VSTM2B: variants seen among roughly 807,000 people sequenced by gnomAD.
The protein encoded by VSTM2B is V-set and transmembrane domain-containing protein 2B.
VSTM2B carries 24 observed loss-of-function variants against 24.0 expected under a neutral mutation model. That is an observed-to-expected ratio of 1.00 (90% CI 0.72 to 1.40). The LOEUF is 1.40. Ranked by LOEUF, VSTM2B falls within the 40% of genes most tolerant of loss-of-function variation. The pLI is 0.00. For synonymous variants in VSTM2B, 226 were observed against 194.4 expected, an observed-to-expected ratio of 1.16 and a Z score of -1.35; for missense variants, 399 against 416.4, an observed-to-expected ratio of 0.96 and a Z score of 0.36.
At chr19:29,545,808 G>A (rs1217988640) in intron 4 of VSTM2B, among the ~76,000 whole-genome samples, 2 of 152,192 alleles carry the variant, frequency 1.3e-5, no homozygotes, top group South Asian at 2.1e-4. Context: ...AGGTGCAGGT[G>A]TCTTTTTGGT....
intron 4 of VSTM2B, among the ~76,000 whole-genome samples, chr19:29,546,719 C>A (rs1300831870): frequency 6.6e-6 from 1 of 151,986 alleles, no homozygotes; most frequent in Non-Finnish European, 1.5e-5. Context: ...CCTGCGGCCC[C>A]CTCTGACAGC....
intron 4 of VSTM2B, among the ~76,000 whole-genome samples, chr19:29,544,189 T>C (rs969228254): frequency 5.3e-5 from 8 of 151,630 alleles, no homozygotes; most frequent in African/African-American, 1.9e-4. Flanking sequence ...ATAGTTTTCA[T>C]ATATATGCTG....
intron 4 of VSTM2B, among the ~76,000 whole-genome samples, chr19:29,538,097 C>G (rs1969934983): frequency 6.6e-6 from 1 of 152,218 alleles, no homozygotes; most frequent in Non-Finnish European, 1.5e-5. Context: ...CAAATTTGCC[C>G]CCTTTCTGGG....
intron 4 of VSTM2B, among the ~76,000 whole-genome samples, chr19:29,534,140 C>G (rs1969827996): frequency 6.6e-6 from 1 of 152,172 alleles, no homozygotes; most frequent in Non-Finnish European, 1.5e-5. Flanking sequence ...TGATGCAGGT[C>G]CCCGGGGCTG....
In VSTM2B at chr19:29,556,715, A is replaced by G. The variant is rs1970418234; in HGVS notation, c.770-7131A>G. 2.6e-5 allele frequency among the ~76,000 whole-genome samples: 4 copies of G among 152,366 alleles called. No homozygotes were observed. The South Asian group carries it at 8.3e-4, about 32-fold the overall frequency. ...AAATCATTGTGCAAAAATCACGAGT[A>G]TTCCTGTGATAGACAAGCAACAATA... On this transcript the variant is annotated intron_variant, in intron 4 of 4. Coordinates refer to ENST00000335523, the MANE Select transcript of VSTM2B (RefSeq NM_001146339.2).
chr19:29,527,624 A>T (rs946868886), intron 2 of VSTM2B, among the ~76,000 whole-genome samples: 1 of 152,068 alleles, frequency 6.6e-6, no homozygotes, highest in African/African-American at 2.4e-5. Flanking sequence ...CCAGAACTCC[A>T]TTCACGCCCA....
intron 4 of VSTM2B, among the ~76,000 whole-genome samples, chr19:29,559,097 C>A (rs1970474879): frequency 1.3e-5 from 2 of 152,168 alleles, no homozygotes; most frequent in Admixed American, 6.5e-5. Context: ...TTTGACCCAA[C>A]AATCTCATTA....
At chr19:29,530,429 G>C (rs183904530) in intron 4 of VSTM2B, 139 bp downstream of exon 4, 2 of 725,196 alleles carry the variant, frequency 2.8e-6, no homozygotes, top group Admixed American at 9.0e-5. Flanking sequence ...TAGTTAGGTC[G>C]GGAGCGCCCC....
chr19:29,562,794 T>C (rs893618319), intron 4 of VSTM2B, among the ~76,000 whole-genome samples: 1 of 152,036 alleles, frequency 6.6e-6, no homozygotes, highest in African/African-American at 2.4e-5. Context: ...GTGAAGACCC[T>C]AAGGACCGAC....
chr19:29,531,149 G>T (rs995397916), intron 4 of VSTM2B, among the ~76,000 whole-genome samples: 3 of 152,070 alleles, frequency 2.0e-5, no homozygotes, highest in African/African-American at 4.8e-5. Flanking sequence ...GGCTTGCCCA[G>T]TGTGCCCCTC....
In VSTM2B at chr19:29,526,782, C is replaced by A; in HGVS notation, c.82+117C>A. The A allele has an allele frequency of 1.0e-6, 1 of 966,878 alleles. No individual in the cohort carries two copies. Among genetic ancestry groups the A allele is most frequent in the Non-Finnish European group, 1.5e-6 (1 of 665,752 alleles). The allele number at this position is 966,878 out of a possible 1,614,324, so 59.9% of individuals were successfully genotyped here. ...AGCTTCGCGGTCTCCAGCAATCCCGCTGTGCAGCCTGGGCCCGGAGGGGTA... is the reference window on the plus strand; with the variant it reads ...AGCTTCGCGGTCTCCAGCAATCCCGATGTGCAGCCTGGGCCCGGAGGGGTA... On this transcript the variant is annotated intron_variant, in intron 1 of 4. Transcript: ENST00000335523. This position sits in a 1 kb window ranked among gnomAD's most constrained non-coding sequence, Gnocchi z 4.1.
chr19:29,541,280 A>C (rs1970012856), intron 4 of VSTM2B, among the ~76,000 whole-genome samples: 1 of 152,158 alleles, frequency 6.6e-6, no homozygotes, highest in South Asian at 2.1e-4. Flanking sequence ...AGGTGGGATG[A>C]ATTTGATAGA....
At position 29,526,708 on chromosome 19, in the gene VSTM2B, C is replaced by A; in HGVS notation, c.82+43C>A. 6.8e-7 allele frequency: 1 copy of A among 1,465,622 alleles called. No individual in the cohort carries two copies. The highest frequency in any genetic ancestry group is 9.1e-7 in the Non-Finnish European group (1 of 1,097,048). The allele number at this position is 1,465,622 out of a possible 1,614,324, so 90.8% of individuals were successfully genotyped here. ...GCTGCCGCTGTGGACTCGGGGGGGT[C>A]TTTGCTGGGGCCGCCACCGAGAAGA... On this transcript the variant is annotated intron_variant, in intron 1 of 4. Transcript: ENST00000335523. The surrounding 1 kb of genome is among the most constrained non-coding windows in gnomAD (Gnocchi z 4.1).
chr19:29,525,519 TC>T (rs1969535753), upstream of VSTM2B: 1 of 152,156 alleles, frequency 6.6e-6, no homozygotes, highest in Non-Finnish European at 1.5e-5. Context: ...CACTGCAGAC[TC>T]CCGGCGCTGC....
At position 29,526,943 on chromosome 19, in the gene VSTM2B, GTGC is replaced by G. The variant is rs1218747485; in HGVS notation, c.83-267_83-265del. On this transcript the variant is annotated intron_variant, in intron 1 of 4. Transcript: ENST00000335523. This position sits in a 1 kb window ranked among gnomAD's most constrained non-coding sequence, Gnocchi z 4.1. ...GGCGCGCCCCAGCCAGGCTCTGGCG[GTGC>G]GGCCAGGGGCGGGGGAGAAGCACGA... 2.1e-6 allele frequency: 1 copy of G among 466,920 alleles called. No individual in the cohort carries two copies. The highest frequency in any genetic ancestry group is 3.7e-6 in the Non-Finnish European group (1 of 268,752). The allele number at this position is 466,920 out of a possible 1,614,324, so 28.9% of individuals were successfully genotyped here. A position where few individuals can be genotyped will look rare whatever the true frequency, so the allele number is the denominator to read the frequency against.
intron 4 of VSTM2B, among the ~76,000 whole-genome samples, chr19:29,563,613 G>A (rs1168301192): frequency 6.6e-6 from 1 of 152,184 alleles, no homozygotes; most frequent in African/African-American, 2.4e-5. Context: ...TTCAGGCCAG[G>A]CGCTTGTGTC....
intron 4 of VSTM2B, among the ~76,000 whole-genome samples, chr19:29,557,207 A>G (rs767961598): frequency 1.4e-4 from 21 of 152,226 alleles, no homozygotes; most frequent in Non-Finnish European, 3.1e-4. Context: ...CCAATGGAAC[A>G]GAATAGAGAA....
intron 4 of VSTM2B, among the ~76,000 whole-genome samples, chr19:29,563,001 C>T (rs1312323142): frequency 3.3e-5 from 5 of 152,100 alleles, no homozygotes; most frequent in Non-Finnish European, 5.9e-5. Context: ...CACTGCAACC[C>T]AAAGAGTGGA....
chr19:29,532,438 G>A (rs183864916), intron 4 of VSTM2B, among the ~76,000 whole-genome samples: 171 of 152,326 alleles, frequency 1.1e-3, no homozygotes, highest in Non-Finnish European at 1.9e-3. Flanking sequence ...TTGACTTACA[G>A]AGCCATTGGC....
Sources: allele counts gnomAD v4.1 joint callset (sites outside exome capture counted in the v4.1 genomes callset), GRCh38; gene constraint gnomAD v4.1.1; non-coding constraint Gnocchi (gnomAD v3.1); transcripts MANE v1.5; gene names NCBI Gene and HGNC (gene_info 2026-07-23, HGNC 2026-07-21).